XNDC1N: variants seen among roughly 807,000 people sequenced by gnomAD.
The protein encoded by XNDC1N is XRCC1 N-terminal domain containing 1, N-terminal like.
chr11:71,875,278 AAG>A, the XNDC1N span, among the ~76,000 whole-genome samples: 26,963 of 151,970 alleles, frequency 0.18, 4,262 homozygotes, highest in African/African-American at 0.42. Context: ...TCACAAGAAT[AAG>A]AGAGAGAGAA....
chr11:71,888,600 G>C, the XNDC1N span, among the ~76,000 whole-genome samples: 1 of 152,156 alleles, frequency 6.6e-6, no homozygotes, highest in Non-Finnish European at 1.5e-5. Flanking sequence ...CCGAGGCTGG[G>C]GGCCTACCTC....
At chr11:71,928,577 G>C in the XNDC1N span, 1 of 702,552 alleles carries the variant, frequency 1.4e-6, no homozygotes, top group Non-Finnish European at 2.6e-6. Context: ...CTGCAGCCAG[G>C]AAAATACATT....
At chr11:71,923,278 GA>G in the XNDC1N span, 13 of 702,328 alleles carry the variant, frequency 1.9e-5, no homozygotes, top group African/African-American at 1.9e-4. Context: ...CAGTTATTAA[GA>G]AAACAAATCA....
the XNDC1N span, among the ~76,000 whole-genome samples, chr11:71,919,202 T>C: frequency 1.3e-5 from 2 of 152,172 alleles, no homozygotes; most frequent in African/African-American, 4.8e-5. Context: ...GGTTTACAGA[T>C]ACCATTTTTC....
the XNDC1N span, among the ~76,000 whole-genome samples, chr11:71,868,251 C>T: frequency 1.3e-5 from 2 of 152,096 alleles, no homozygotes; most frequent in Admixed American, 1.3e-4. Context: ...CCACTTTGTG[C>T]CTTTTAAGTA....
At chr11:71,882,264 CT>C in the XNDC1N span, among the ~76,000 whole-genome samples, 66 of 148,422 alleles carry the variant, frequency 4.4e-4, no homozygotes, top group Non-Finnish European at 6.2e-4. Flanking sequence ...GCAAAATTAT[CT>C]TTTTTTTTTA....
chr11:71,928,495 A>G, the XNDC1N span: 3 of 702,592 alleles, frequency 4.3e-6, no homozygotes, highest in East Asian at 8.0e-5. Flanking sequence ...TCCGTAGCAC[A>G]GGAATGCGTT....
At chr11:71,917,894 C>T in the XNDC1N span, 2 of 620,624 alleles carry the variant, frequency 3.2e-6, no homozygotes, top group African/African-American at 1.8e-5. Context: ...AAAGGTTCAG[C>T]GATATGTGGA....
the XNDC1N span, among the ~76,000 whole-genome samples, chr11:71,874,031 T>C: frequency 6.6e-6 from 1 of 152,124 alleles, no homozygotes; most frequent in Non-Finnish European, 1.5e-5. Context: ...AGACACATTT[T>C]AGGCCGGGCC....
chr11:71,877,285 C>G, the XNDC1N span, among the ~76,000 whole-genome samples: 13,796 of 152,262 alleles, frequency 0.091, 1,101 homozygotes, highest in African/African-American at 0.19. Context: ...GTGAAACCAT[C>G]TAGAAAGGAA....
At chr11:71,906,515 G>A in the XNDC1N span, among the ~76,000 whole-genome samples, 2 of 151,836 alleles carry the variant, frequency 1.3e-5, no homozygotes, top group African/African-American at 2.4e-5. Flanking sequence ...TTGGGACATC[G>A]GTAGTCACAT....
the XNDC1N span, among the ~76,000 whole-genome samples, chr11:71,924,821 C>T: frequency 6.6e-6 from 1 of 152,174 alleles, no homozygotes; most frequent in Non-Finnish European, 1.5e-5. Context: ...CTTACTTCAA[C>T]AATTCCTTGC....
chr11:71,882,557 A>G, the XNDC1N span, among the ~76,000 whole-genome samples: 1 of 152,236 alleles, frequency 6.6e-6, no homozygotes, highest in South Asian at 2.1e-4. Flanking sequence ...GTAAAAATAC[A>G]TAATTTTCTT....
chr11:71,886,179 C>T, the XNDC1N span, among the ~76,000 whole-genome samples: 1 of 151,982 alleles, frequency 6.6e-6, no homozygotes, highest in African/African-American at 2.4e-5. Context: ...TCAATCTTCT[C>T]AACTGAAAAA....
At chr11:71,902,039 T>G in the XNDC1N span, among the ~76,000 whole-genome samples, 1 of 151,740 alleles carries the variant, frequency 6.6e-6, no homozygotes, top group Non-Finnish European at 1.5e-5. Context: ...GAGGAACAAG[T>G]GAGTCTCTTT....
chr11:71,881,097 C>T, the XNDC1N span, among the ~76,000 whole-genome samples: 1 of 152,228 alleles, frequency 6.6e-6, no homozygotes, highest in Admixed American at 6.5e-5. Context: ...CTGTTCAATG[C>T]TGAAAGTGGG....
At chr11:71,887,393 C>G in the XNDC1N span, among the ~76,000 whole-genome samples, 1 of 152,168 alleles carries the variant, frequency 6.6e-6, no homozygotes, top group South Asian at 2.1e-4. Flanking sequence ...ATCTCTTTGA[C>G]AGAGCACGGC....
At chr11:71,899,440 G>C in the XNDC1N span, among the ~76,000 whole-genome samples, 438 of 152,314 alleles carry the variant, frequency 2.9e-3, no homozygotes, top group African/African-American at 9.9e-3. Flanking sequence ...GACTCCATTT[G>C]GAGAAAGACC....
chr11:71,899,478 ATGT>A, the XNDC1N span, among the ~76,000 whole-genome samples: 11 of 152,332 alleles, frequency 7.2e-5, no homozygotes, highest in Middle Eastern at 3.4e-3. Context: ...CTTTGCTGAG[ATGT>A]TGTTAATGTG....
Sources: gnomAD v4.1 joint callset for allele counts (sites outside exome capture counted in the v4.1 genomes callset) on GRCh38, gnomAD v4.1.1 for gene constraint, MANE v1.5 for transcripts, NCBI Gene and HGNC (gene_info 2026-07-23, HGNC 2026-07-21) for gene names.